The following ANKRD44 variants were observed in gnomAD, a reference collection of about 807,000 sequenced individuals.
ANKRD44 encodes the protein ankyrin repeat domain 44, also known as serine/threonine-protein phosphatase 6 regulatory ankyrin repeat subunit B.
In ANKRD44, 35 loss-of-function variants were observed where a neutral mutation model predicts 116.0. That is an observed-to-expected ratio of 0.30 (90% CI 0.23 to 0.40). The LOEUF is 0.40. Among genes scored for constraint, ANKRD44 ranks in the 10% least tolerant of loss-of-function variants. The probability of loss-of-function intolerance (pLI) is 1.00; values close to 1 mark genes in which losing one functional copy is unlikely to be tolerated. For synonymous variants in ANKRD44, 435 were observed against 461.8 expected, an observed-to-expected ratio of 0.94 and a Z score of 0.74; for missense variants, 1,014 against 1,242.6, an observed-to-expected ratio of 0.82 and a Z score of 2.77.
At chr2:197,034,284 T>C (rs2076767309) in intron 16 of ANKRD44, among the ~76,000 whole-genome samples, 1 of 152,058 alleles carries the variant, frequency 6.6e-6, no homozygotes, top group African/African-American at 2.4e-5. Context: ...GTTCTGCACA[T>C]AGAGCTTGTA....
At chr2:197,266,187 T>G (rs2082737037) in intron 1 of ANKRD44, among the ~76,000 whole-genome samples, 1 of 152,118 alleles carries the variant, frequency 6.6e-6, no homozygotes, top group Non-Finnish European at 1.5e-5. Context: ...GGGGTTCAGC[T>G]GGAGGTGAAG....
intron 16 of ANKRD44, among the ~76,000 whole-genome samples, chr2:197,073,840 T>C (rs1213976416): frequency 6.6e-6 from 1 of 152,206 alleles, no homozygotes; most frequent in Non-Finnish European, 1.5e-5. Context: ...CTTTGAAATG[T>C]GGAGGCAATG....
At chr2:197,122,549 T>G in intron 7 of ANKRD44, 101 bp downstream of exon 7, 1 of 1,442,706 alleles carries the variant, frequency 6.9e-7, no homozygotes. Context: ...AGAAAACAAT[T>G]CCCCTGCCCT....
intron 1 of ANKRD44, among the ~76,000 whole-genome samples, chr2:197,308,301 A>T (rs2084136168): frequency 6.6e-6 from 1 of 152,310 alleles, no homozygotes; most frequent in South Asian, 2.1e-4. Context: ...GCCCACAATG[A>T]TGGAGCAAAA....
At chr2:197,216,178 C>T (rs940222923) in intron 1 of ANKRD44, among the ~76,000 whole-genome samples, 1 of 152,088 alleles carries the variant, frequency 6.6e-6, no homozygotes, top group East Asian at 1.9e-4. Flanking sequence ...GGTACAAAGT[C>T]GTCATTCAAA....
chr2:197,024,404 C>T (rs13409035), intron 17 of ANKRD44, among the ~76,000 whole-genome samples: 6 of 152,224 alleles, frequency 3.9e-5, no homozygotes, highest in East Asian at 3.9e-4. Context: ...GTGAGTGCCT[C>T]GGGAAGGTGA....
At chr2:197,119,035 T>C (rs55672939) in intron 8 of ANKRD44, among the ~76,000 whole-genome samples, 1,557 of 152,276 alleles carry the variant, frequency 0.01, 32 homozygotes, top group African/African-American at 0.034. Context: ...TTCTTATTGA[T>C]TTGTATGAGC....
intron 1 of ANKRD44, among the ~76,000 whole-genome samples, chr2:197,190,212 G>C (rs2080790565): frequency 6.6e-6 from 1 of 152,182 alleles, no homozygotes; most frequent in Admixed American, 6.5e-5. Context: ...ACTCAGGCAT[G>C]CATGCATAGA....
At chr2:197,025,962 G>A (rs73049638) in intron 16 of ANKRD44, among the ~76,000 whole-genome samples, 1 of 149,504 alleles carries the variant, frequency 6.7e-6, no homozygotes, top group Non-Finnish European at 1.5e-5. Context: ...TGACATTCTC[G>A]TAGACCCTTG....
chr2:197,262,679 G>A (rs1393199169), intron 1 of ANKRD44, among the ~76,000 whole-genome samples: 1 of 152,108 alleles, frequency 6.6e-6, no homozygotes, highest in African/African-American at 2.4e-5. Context: ...CGAGGCGGGT[G>A]GATCACTTGA....
chr2:197,180,158 G>C (rs564481265), intron 2 of ANKRD44, among the ~76,000 whole-genome samples: 3 of 151,008 alleles, frequency 2.0e-5, no homozygotes, highest in African/African-American at 7.3e-5. Context: ...CCTTGGCTTC[G>C]CAACCATGGC....
Position 197,212,048 on chromosome 2 carries a change from T to TCA in ANKRD44, c.28-24943_28-24942insTG, listed in dbSNP as rs769631031. Reference sequence around the variant, plus strand: ...CTCTCTCTCTCTCTCAGTCTCTCTCTCTCTCACACACACACACACACACAC... The same window carrying TCA: ...CTCTCTCTCTCTCTCAGTCTCTCTCTCACTCTCACACACACACACACACACAC... On this transcript the variant is annotated intron_variant, in intron 1 of 27. Coordinates refer to ENST00000282272, the MANE Select transcript of ANKRD44 (RefSeq NM_001195144.2). This position sits in a 1 kb window ranked among gnomAD's most constrained non-coding sequence, Gnocchi z 4.8. Among the ~76,000 whole-genome samples, 38,585 of 117,798 alleles carry TCA rather than the reference T, an allele frequency of 0.33. 4,966 individuals carry two copies. Among genetic ancestry groups the TCA allele is most frequent in the South Asian group, 0.35 (1,008 of 2,864 alleles). 77.3% of individuals were successfully genotyped at this position (117,798 alleles called of 152,430 possible).
intron 16 of ANKRD44, among the ~76,000 whole-genome samples, chr2:197,068,837 T>C (rs1574394232): frequency 6.6e-6 from 1 of 152,210 alleles, no homozygotes; most frequent in African/African-American, 2.4e-5. Context: ...AGAACACTTT[T>C]ACACTGTTGG....
intron 1 of ANKRD44, among the ~76,000 whole-genome samples, chr2:197,259,311 C>G (rs2082535886): frequency 2.0e-5 from 3 of 152,102 alleles, no homozygotes; most frequent in Admixed American, 2.0e-4. Flanking sequence ...CATCTGTGTC[C>G]CCCTCCCAGA....
At chr2:197,225,590 C>T (rs1228852199) in intron 1 of ANKRD44, among the ~76,000 whole-genome samples, 3 of 152,292 alleles carry the variant, frequency 2.0e-5, no homozygotes, top group South Asian at 2.1e-4. Flanking sequence ...GTGATCTACC[C>T]GCCTCAGCCT....
chr2:196,975,602 G>A (rs565029961), intron 21 of ANKRD44, among the ~76,000 whole-genome samples: 12 of 144,322 alleles, frequency 8.3e-5, no homozygotes, highest in East Asian at 6.3e-4. Context: ...TAGCCAGCAC[G>A]GTGTCACACT....
chr2:197,296,392 G>C (rs2083724265), intron 1 of ANKRD44: 1 of 152,148 alleles, frequency 6.6e-6, no homozygotes, highest in South Asian at 2.1e-4. Context: ...ACTTTTGTTA[G>C]TCCAATCCTA....
At chr2:197,038,589 A>G (rs1321288550) in intron 16 of ANKRD44, among the ~76,000 whole-genome samples, 2 of 152,222 alleles carry the variant, frequency 1.3e-5, no homozygotes, top group Non-Finnish European at 2.9e-5. Flanking sequence ...TTAAGTTTTT[A>G]TATTTAATTG....
intron 1 of ANKRD44, among the ~76,000 whole-genome samples, chr2:197,255,181 TGAA>T (rs1202180881): frequency 6.6e-6 from 1 of 152,114 alleles, no homozygotes; most frequent in Non-Finnish European, 1.5e-5. Context: ...AAGGAAGGAA[TGAA>T]GAAGACACTC....
Sources: gnomAD v4.1 joint callset for allele counts (sites outside exome capture counted in the v4.1 genomes callset) on GRCh38, gnomAD v4.1.1 for gene constraint, Gnocchi (gnomAD v3.1) non-coding constraint, MANE v1.5 for transcripts, NCBI Gene and HGNC (gene_info 2026-07-23, HGNC 2026-07-21) for gene names.